The following MSN variants were observed in gnomAD, a reference collection of about 807,000 sequenced individuals.
The protein encoded by MSN is epididymis luminal protein 70.
MSN carries 2 observed loss-of-function variants against 48.0 expected under a neutral mutation model. The observed-to-expected ratio is 0.04, with a 90% CI of 0.02 to 0.13. MSN has a LOEUF of 0.13. Among genes scored for constraint, MSN ranks in the 10% least tolerant of loss-of-function variants. The probability of loss-of-function intolerance (pLI) is 1.00; values close to 1 mark genes in which losing one functional copy is unlikely to be tolerated. For missense variants in MSN, 267 were observed against 470.1 expected, an observed-to-expected ratio of 0.57 and a Z score of 3.99; for synonymous variants, 146 against 166.9, an observed-to-expected ratio of 0.87 and a Z score of 0.97.
At chrX:65,686,022 T>C (rs1431846347) in intron 1 of MSN, among the ~76,000 whole-genome samples, 2 of 112,700 alleles carry the variant, frequency 1.8e-5, no homozygotes, top group African/African-American at 6.4e-5. Context: ...CCTAACAACA[T>C]ACACATCAGG....
intron 1 of MSN, among the ~76,000 whole-genome samples, chrX:65,688,986 G>T (rs2071145241): frequency 8.9e-6 from 1 of 112,285 alleles, no homozygotes; most frequent in African/African-American, 3.2e-5. Flanking sequence ...GTAGAGTCTT[G>T]TTTGTACCTT....
In MSN at chrX:65,634,770, G is replaced by A. The variant is rs143025064; in HGVS notation, c.-22+46158G>A. 2.7e-3 allele frequency among the ~76,000 whole-genome samples: 307 copies of A among 112,126 alleles called. 2 individuals are homozygous for A. The East Asian group carries it at 0.047, about 17-fold the overall frequency. ...TTGGGGACTAGCTTTTTTCGCACTT[G>A]TTTGAGGGTGACTATCTACACATCT... On this transcript the variant is annotated intron_variant, in intron 1 of 3. Transcript: ENST00000609672.
intron 2 of MSN, among the ~76,000 whole-genome samples, chrX:65,725,647 A>C (rs772333758): frequency 3.3e-4 from 37 of 111,940 alleles, no homozygotes; most frequent in African/African-American, 1.2e-3. Context: ...TTACATTTCA[A>C]CATAAGCATT....
intron 1 of MSN, among the ~76,000 whole-genome samples, chrX:65,641,349 G>A (rs2070647764): frequency 9.7e-6 from 1 of 103,057 alleles, no homozygotes; most frequent in Non-Finnish European, 2.0e-5. Flanking sequence ...GGCAAACATG[G>A]CAAAACCCCG....
intron 1 of MSN, among the ~76,000 whole-genome samples, chrX:65,654,915 C>T (rs2070770864): frequency 9.0e-6 from 1 of 111,327 alleles, no homozygotes; most frequent in African/African-American, 3.3e-5. Context: ...ATTGGCCCTG[C>T]TGAGATGAAG....
intron 1 of MSN, among the ~76,000 whole-genome samples, chrX:65,692,442 G>A (rs5965003): frequency 0.17 from 19,229 of 111,781 alleles, 4,037 homozygotes; most frequent in African/African-American, 0.6. Flanking sequence ...TGGTATGTGG[G>A]CCAGTTATCT....
At chrX:65,687,260 A>G (rs1273344453) in intron 1 of MSN, among the ~76,000 whole-genome samples, 1 of 111,707 alleles carries the variant, frequency 9.0e-6, no homozygotes, top group Non-Finnish European at 1.9e-5. Flanking sequence ...AGGCAGGAGA[A>G]TCGCTTGAAT....
chrX:65,685,933 AAAACAAAC>A (rs752649312), intron 1 of MSN, among the ~76,000 whole-genome samples: 21 of 112,121 alleles, frequency 1.9e-4, no homozygotes, highest in Middle Eastern at 4.6e-3. Flanking sequence ...GACTGGCTTA[AAAACAAAC>A]AAACAAACAA....
In MSN at chrX:65,676,974, G is replaced by A. The variant is rs186049684; in HGVS notation, c.12+9121G>A. On this transcript the variant is annotated intron_variant, in intron 1 of 12. Coordinates refer to ENST00000360270, the MANE Select transcript of MSN (RefSeq NM_002444.3). ...CAAGTAGCTGGGACTACAGGTGTGC[G>A]CCGCCACGCCCGGCTAATTTTTATA... Among the ~76,000 whole-genome samples, 762 of 110,426 alleles carry A rather than the reference G, an allele frequency of 6.9e-3. 10 individuals carry two copies. The highest frequency in any genetic ancestry group is 0.024 in the African/African-American group (718 of 30,334).
intron 1 of MSN, among the ~76,000 whole-genome samples, chrX:65,684,448 T>A (rs1273438392): frequency 9.1e-6 from 1 of 110,286 alleles, no homozygotes; most frequent in African/African-American, 3.3e-5. Context: ...TTTTTCTTTT[T>A]TTTTTTTGAG....
chrX:65,729,753 G>T (rs1431167499), intron 4 of MSN, 41 bp downstream of exon 4: 1 of 1,180,499 alleles, frequency 8.5e-7, no homozygotes, highest in African/African-American at 1.7e-5. Flanking sequence ...GGCCATAAGG[G>T]GCTGCAGCCC....
rs762943489 is a variant in MSN at position 65,740,138 on chromosome X, G to T, written c.*245G>T. The T allele has an allele frequency of 2.9e-5, 9 of 315,662 alleles. No homozygotes were observed. The highest frequency in any genetic ancestry group is 2.1e-4 in the African/African-American group (8 of 38,274). The allele number at this position is 315,662 out of a possible 1,213,427, so 26.0% of individuals were successfully genotyped here. On this transcript the variant is annotated 3_prime_UTR_variant, in exon 13 of 13. Transcript: ENST00000360270. ...TTCTCTTCTCTGTTCCATTGAATCT[G>T]TATGGCTAGAATATCCTACTTCTCC...
chrX:65,605,230 C>T (rs1280456097), intron 1 of MSN, among the ~76,000 whole-genome samples: 3 of 112,888 alleles, frequency 2.7e-5, no homozygotes, highest in Admixed American at 9.4e-5. Flanking sequence ...CTTGTTCCTA[C>T]ACAATCTTTC....
intron 1 of MSN, among the ~76,000 whole-genome samples, chrX:65,704,198 T>C (rs1365237233): frequency 8.9e-6 from 1 of 111,745 alleles, no homozygotes; most frequent in Non-Finnish European, 1.9e-5. Flanking sequence ...CGCTAAAGAG[T>C]GAAGCCCAGC....
chrX:65,589,009 T>G (rs904423745), intron 1 of MSN: 2 of 135,336 alleles, frequency 1.5e-5, no homozygotes, highest in Admixed American at 1.8e-4. Context: ...GCCAGGGGAG[T>G]TGGAGTCAAT....
intron 2 of MSN, among the ~76,000 whole-genome samples, chrX:65,724,497 C>T (rs1330447560): frequency 9.0e-6 from 1 of 110,836 alleles, no homozygotes; most frequent in Non-Finnish European, 1.9e-5. Context: ...AAACAGACAA[C>T]GTGGTGCAAA....
rs191286201 is a variant in MSN, at chrX:65,702,499, C to T, written c.13-14319C>T. Among the ~76,000 whole-genome samples the T allele has an allele frequency of 7.2e-3, 776 of 107,905 alleles. 9 individuals are homozygous for T. The highest frequency in any genetic ancestry group is 0.024 in the African/African-American group (707 of 29,695). The allele number at this position is 107,905 out of a possible 115,157, so 93.7% of individuals were successfully genotyped here. A position where few individuals can be genotyped will look rare whatever the true frequency, so the allele number is the denominator to read the frequency against. On this transcript the variant is annotated intron_variant, in intron 1 of 12. Transcript: ENST00000360270. ...TGGACAACAGGGTGAAACCCCTTCT[C>T]TACTAAAAATACAAAAATTAGCCAG...
At chrX:65,599,493 C>T (rs2070215210) in intron 1 of MSN, among the ~76,000 whole-genome samples, 1 of 109,882 alleles carries the variant, frequency 9.1e-6, no homozygotes, top group African/African-American at 3.3e-5. Context: ...ATTAGCTGGG[C>T]GTAGTGGCAT....
At chrX:65,722,133 T>C (rs1042726202) in intron 2 of MSN, among the ~76,000 whole-genome samples, 1 of 111,337 alleles carries the variant, frequency 9.0e-6, no homozygotes, top group African/African-American at 3.3e-5. Context: ...CTCAGCTGAG[T>C]ATGTTCTCTG....
Sources: gnomAD v4.1 joint callset for allele counts (sites outside exome capture counted in the v4.1 genomes callset) on GRCh38, gnomAD v4.1.1 for gene constraint, MANE v1.5 for transcripts, NCBI Gene and HGNC (gene_info 2026-07-23, HGNC 2026-07-21) for gene names.